The following COL4A1 variants were observed in gnomAD, a reference collection of about 807,000 sequenced individuals.
The protein encoded by COL4A1 is collagen type IV alpha 1 chain, also known as collagen alpha-1(IV) chain.
A neutral mutation model predicts 216.6 loss-of-function variants in COL4A1; 40 were observed. The observed-to-expected ratio is 0.18, with a 90% CI of 0.14 to 0.24. The LOEUF (loss-of-function observed/expected upper bound fraction) is 0.24. COL4A1 is among the 10% of genes least tolerant of loss of function. The probability of loss-of-function intolerance (pLI) is 1.00; values close to 1 mark genes in which losing one functional copy is unlikely to be tolerated. For missense variants in COL4A1, 1,628 were observed against 2,196.8 expected, an observed-to-expected ratio of 0.74 and a Z score of 5.18; for synonymous variants, 839 against 810.7, an observed-to-expected ratio of 1.03 and a Z score of -0.59.
intron 1 of COL4A1, among the ~76,000 whole-genome samples, chr13:110,258,736 G>T (rs530928267): frequency 3.3e-5 from 5 of 151,932 alleles, no homozygotes; most frequent in African/African-American, 4.8e-5. Flanking sequence ...CTTCAATTTC[G>T]GTTTAACTAG....
intron 1 of COL4A1, among the ~76,000 whole-genome samples, chr13:110,297,934 AAG>A (rs935150742): frequency 1.3e-5 from 2 of 152,070 alleles, no homozygotes; most frequent in South Asian, 2.1e-4. Flanking sequence ...AAAAAAAAAA[AAG>A]AGAGAGAGAA....
At chr13:110,216,717 T>C (rs1327892953) in intron 2 of COL4A1, among the ~76,000 whole-genome samples, 1 of 152,200 alleles carries the variant, frequency 6.6e-6, no homozygotes, top group Non-Finnish European at 1.5e-5. Context: ...CCATAGTCCC[T>C]GTTTTTTCTG....
Position 110,211,799 on chromosome 13 carries a change from G to C in COL4A1, c.441+70C>G, listed in dbSNP as rs1320185174. ...AACATAAGCAAAGAAAGAAAGAAAA[G>C]GAAATGGAATGAAAAGAGAGAAGTC... On this transcript the variant is annotated intron_variant, in intron 7 of 51. Coordinates refer to ENST00000375820, the MANE Select transcript of COL4A1 (RefSeq NM_001845.6). This position sits in a 1 kb window ranked among gnomAD's most constrained non-coding sequence, Gnocchi z 4.3. 1.3e-6 allele frequency: 2 copies of C among 1,551,728 alleles called. No homozygotes were observed. Among genetic ancestry groups the C allele is most frequent in the South Asian group, 1.2e-5 (1 of 86,446 alleles).
chr13:110,205,565 T>C, intron 15 of COL4A1, 27 bp from the exon 16 acceptor site: 1 of 1,612,478 alleles, frequency 6.2e-7, no homozygotes, highest in Non-Finnish European at 8.5e-7. Context: ...TAAACGTTAG[T>C]ATTTAATAAA....
At chr13:110,209,875 C>T (rs767765904) in intron 10 of COL4A1, 105 bp downstream of exon 10, 30 of 1,371,782 alleles carry the variant, frequency 2.2e-5, no homozygotes, top group East Asian at 2.1e-4. Flanking sequence ...AAATTAAGAG[C>T]GACCACAACT....
intron 13 of COL4A1, 35 bp from the exon 14 acceptor site, chr13:110,206,926 A>G (rs767318366): frequency 6.2e-7 from 1 of 1,612,898 alleles, no homozygotes; most frequent in Non-Finnish European, 8.5e-7. Context: ...AGCACTATCA[A>G]ACAGCTGTAT....
At chr13:110,256,749 G>T (rs946324234) in intron 1 of COL4A1, among the ~76,000 whole-genome samples, 2 of 151,966 alleles carry the variant, frequency 1.3e-5, no homozygotes, top group Non-Finnish European at 2.9e-5. Context: ...GGCGGCGGGG[G>T]GGTCTATCCG....
At chr13:110,194,948 A>G in intron 22 of COL4A1, 75 bp downstream of exon 22, 1 of 1,363,568 alleles carries the variant, frequency 7.3e-7, no homozygotes, top group East Asian at 2.3e-5. Flanking sequence ...ACTTGGCTCC[A>G]AAGCCGGTAA....
intron 41 of COL4A1, among the ~76,000 whole-genome samples, chr13:110,171,191 G>A (rs998093040): frequency 6.6e-6 from 1 of 152,214 alleles, no homozygotes; most frequent in African/African-American, 2.4e-5. Context: ...GAATTATGTC[G>A]TGGGAGAGTA....
chr13:110,211,829 C>G lies in COL4A1; in HGVS notation c.441+40G>C. 6.2e-7 allele frequency: 1 copy of G among 1,609,260 alleles called. No homozygotes were observed. Among genetic ancestry groups the G allele is most frequent in the Non-Finnish European group, 8.5e-7 (1 of 1,176,186 alleles). ...TGGAATGAAAAGAGAGAAGTCATAA[C>G]TAAAAGAAAGAAGTTCTGCCCTAAA... is the stretch of plus-strand genomic sequence containing the variant. On this transcript the variant is annotated intron_variant, in intron 7 of 51. Coordinates refer to ENST00000375820, the MANE Select transcript of COL4A1 (RefSeq NM_001845.6). The surrounding 1 kb of genome is among the most constrained non-coding windows in gnomAD (Gnocchi z 4.3).
At chr13:110,236,319 T>G (rs138170839) in intron 2 of COL4A1, among the ~76,000 whole-genome samples, 159 of 152,334 alleles carry the variant, frequency 1.0e-3, no homozygotes, top group Admixed American at 3.1e-3. Context: ...GGTATTAGAT[T>G]TATGGTATTC....
At chr13:110,179,167 C>A in intron 30 of COL4A1, 104 bp downstream of exon 30, 1 of 1,569,246 alleles carries the variant, frequency 6.4e-7, no homozygotes. Flanking sequence ...TTGCATCGTT[C>A]GTTCAACAAA....
At chr13:110,264,417 C>A (rs1677556395) in intron 1 of COL4A1, among the ~76,000 whole-genome samples, 1 of 152,186 alleles carries the variant, frequency 6.6e-6, no homozygotes, top group African/African-American at 2.4e-5. Context: ...TAACCCCTAC[C>A]TGCGCCCAAA....
intron 1 of COL4A1, among the ~76,000 whole-genome samples, chr13:110,252,454 T>TTA (rs10685874): frequency 0.014 from 651 of 46,740 alleles, 68 homozygotes; most frequent in African/African-American, 0.032. Flanking sequence ...CGTATATGTA[T>TTA]TATATACATA....
At position 110,251,476 on chromosome 13, in the gene COL4A1, C is replaced by T. The variant is rs554899829; in HGVS notation, c.85-8742G>A. Reference sequence around the variant, plus strand: ...GGTGAGATTCACTTCCCATCTACTGCACGCCTGCATGGGCCAGGCACCCCC... The same window carrying T: ...GGTGAGATTCACTTCCCATCTACTGTACGCCTGCATGGGCCAGGCACCCCC... On this transcript the variant is annotated intron_variant, in intron 1 of 51. Transcript: ENST00000375820. Among the ~76,000 whole-genome samples, 20 of 152,358 alleles carry T rather than the reference C, an allele frequency of 1.3e-4. No homozygotes were observed. The South Asian group carries it at 1.9e-3, about 14-fold the overall frequency.
At chr13:110,193,443 G>A (rs1202802024) in intron 22 of COL4A1, among the ~76,000 whole-genome samples, 3 of 152,222 alleles carry the variant, frequency 2.0e-5, no homozygotes, top group Non-Finnish European at 2.9e-5. Context: ...AAAAGGAGAG[G>A]AGATGCTCTT....
At chr13:110,228,244 G>C (rs1031366006) in intron 2 of COL4A1, among the ~76,000 whole-genome samples, 1 of 148,988 alleles carries the variant, frequency 6.7e-6, no homozygotes, top group Non-Finnish European at 1.5e-5. Context: ...GGGCGGGGGG[G>C]GGGTCTACAT....
chr13:110,250,965 T>C (rs1292290552), intron 1 of COL4A1, among the ~76,000 whole-genome samples: 5 of 152,264 alleles, frequency 3.3e-5, no homozygotes, highest in Non-Finnish European at 7.3e-5. Context: ...GTTGTCACTC[T>C]TAGCTACTCT....
In COL4A1 at chr13:110,161,304, CGTT is replaced by C; in HGVS notation, c.4525_4527del (p.Asn1509del). On this transcript the variant is annotated inframe_deletion, in exon 49 of 52. Transcript: ENST00000375820. ...TCATTTCGTGATGCAAAGTTGCACACGTTGTTAATATTGCAGAACAGGAAGGGC... is the reference window on the plus strand; with the variant it reads ...TCATTTCGTGATGCAAAGTTGCACACGTTAATATTGCAGAACAGGAAGGGC... 1 of 1,614,174 alleles carries C rather than the reference CGTT, an allele frequency of 6.2e-7. No individual in the cohort carries two copies. Among genetic ancestry groups the C allele is most frequent in the Non-Finnish European group, 8.5e-7 (1 of 1,180,036 alleles).
Sources: allele counts gnomAD v4.1 joint callset (sites outside exome capture counted in the v4.1 genomes callset), GRCh38; gene constraint gnomAD v4.1.1; non-coding constraint Gnocchi (gnomAD v3.1); transcripts MANE v1.5; gene names NCBI Gene and HGNC (gene_info 2026-07-23, HGNC 2026-07-21).